Variants in ABCD3 observed in about 807,000 individuals in gnomAD.
ABCD3 encodes ATP-binding cassette sub-family D member 3.
In ABCD3, 41 loss-of-function variants were observed where a neutral mutation model predicts 105.5. That is an observed-to-expected ratio of 0.39 (90% CI 0.30 to 0.50). ABCD3 has a LOEUF of 0.50. Ranked by LOEUF, ABCD3 falls within the 20% of genes least tolerant of loss-of-function variation. The pLI, the probability that ABCD3 is intolerant of heterozygous loss-of-function variation, is 0.84. For synonymous variants in ABCD3, 258 were observed against 269.0 expected (o/e 0.96, Z 0.40); for missense variants, 622 against 806.3 (o/e 0.77, Z 2.77).
At chr1:94,438,581 T>C (rs932212010) in intron 1 of ABCD3, among the ~76,000 whole-genome samples, 2 of 152,172 alleles carry the variant, frequency 1.3e-5, no homozygotes, top group African/African-American at 4.8e-5. Flanking sequence ...AGAACTCTTT[T>C]TGTGAAAGGA....
intron 9 of ABCD3, 163 bp from the exon 10 acceptor site, chr1:94,483,007 A>G (rs1357758012): frequency 3.2e-6 from 2 of 628,316 alleles, no homozygotes; most frequent in East Asian, 5.6e-5. Flanking sequence ...TGAGCTAGGA[A>G]CAGAATCTCA....
At chr1:94,490,842 A>G (rs1394909959) in intron 15 of ABCD3, among the ~76,000 whole-genome samples, 1 of 152,088 alleles carries the variant, frequency 6.6e-6, no homozygotes, top group African/African-American at 2.4e-5. Context: ...AGGAACATCC[A>G]TATTGTTTTC....
chr1:94,496,451 TTGTGTGTGTGTGTG>T (rs57988079), intron 16 of ABCD3, among the ~76,000 whole-genome samples: 2 of 149,424 alleles, frequency 1.3e-5, no homozygotes, highest in South Asian at 4.2e-4. Context: ...TGCCATTTCA[TTGTGTGTGTGTGTG>T]TGTGTGTGTG....
At chr1:94,506,059 G>T (rs1650334347) in intron 20 of ABCD3, among the ~76,000 whole-genome samples, 1 of 152,098 alleles carries the variant, frequency 6.6e-6, no homozygotes, top group Non-Finnish European at 1.5e-5. Flanking sequence ...AAAAAAATGA[G>T]CACAACCAGA....
At chr1:94,465,479 GAA>G (rs1287170421) in intron 3 of ABCD3, among the ~76,000 whole-genome samples, 1 of 152,086 alleles carries the variant, frequency 6.6e-6, no homozygotes, top group Non-Finnish European at 1.5e-5. Flanking sequence ...TCTTGTTTCT[GAA>G]GTATTATTTC....
chr1:94,503,718 C>G (rs552132816), intron 20 of ABCD3, among the ~76,000 whole-genome samples: 17 of 152,028 alleles, frequency 1.1e-4, no homozygotes, highest in Admixed American at 7.2e-4. Context: ...CTGTTTTAGT[C>G]ATTCATTTAT....
chr1:94,431,304 G>A (rs1368463141), intron 1 of ABCD3, among the ~76,000 whole-genome samples: 3 of 152,142 alleles, frequency 2.0e-5, no homozygotes, highest in Non-Finnish European at 4.4e-5. Flanking sequence ...CTTGGCCTGA[G>A]ATAGGCAGGT....
At chr1:94,407,963 G>A in the ABCD3 span, among the ~76,000 whole-genome samples, 4 of 152,210 alleles carry the variant, frequency 2.6e-5, no homozygotes, top group Non-Finnish European at 5.9e-5. Flanking sequence ...TATTGTCTTT[G>A]GCTGTTTTCC....
chr1:94,445,473 G>C (rs902015613), intron 1 of ABCD3, among the ~76,000 whole-genome samples: 1 of 152,150 alleles, frequency 6.6e-6, no homozygotes, highest in South Asian at 2.1e-4. Flanking sequence ...GCTCTGGTTC[G>C]TTCCACCTTG....
At chr1:94,515,261 T>C in intron 22 of ABCD3, 59 bp downstream of exon 22, 1 of 1,351,266 alleles carries the variant, frequency 7.4e-7, no homozygotes, top group South Asian at 1.2e-5. Context: ...AAATATGAAT[T>C]CAGGTTAATA....
chr1:94,438,707 AG>A (rs1268920769), intron 1 of ABCD3, among the ~76,000 whole-genome samples: 1 of 152,232 alleles, frequency 6.6e-6, no homozygotes, highest in East Asian at 1.9e-4. Flanking sequence ...CATGGAGGCA[AG>A]ACCCTCAACC....
intron 1 of ABCD3, among the ~76,000 whole-genome samples, chr1:94,420,478 G>C (rs1038000752): frequency 6.6e-6 from 1 of 152,106 alleles, no homozygotes; most frequent in African/African-American, 2.4e-5. Context: ...CTTTTGTGGG[G>C]ATTAAATTCT....
At chr1:94,415,481 AG>A (rs1192747412), upstream of ABCD3, among the ~76,000 whole-genome samples, 3 of 152,198 alleles carry the variant, frequency 2.0e-5, no homozygotes, top group Non-Finnish European at 4.4e-5. Context: ...TAATTATCAA[AG>A]GACATAGTGC....
intron 1 of ABCD3, among the ~76,000 whole-genome samples, chr1:94,436,838 A>G (rs1659924071): frequency 6.6e-6 from 1 of 152,220 alleles, no homozygotes; most frequent in South Asian, 2.1e-4. Context: ...ATGCAAAGGA[A>G]AAGTTCTTGA....
Position 94,480,306 on chromosome 1 carries a change from G to A in ABCD3, c.685-158G>A, listed in dbSNP as rs1423813277. 3.9e-6 allele frequency: 3 copies of A among 775,302 alleles called. No individual in the cohort carries two copies. The Admixed American group carries it at 6.9e-5, about 18-fold the overall frequency. The allele number at this position is 775,302 out of a possible 1,614,324, so 48.0% of individuals were successfully genotyped here. ...GTAGTAAAAGTGTAGAGGCTACTGT[G>A]TACTTTTTCAGAAAAAAAACAAAGG... On this transcript the variant is annotated intron_variant, in intron 8 of 22. Transcript: ENST00000370214.
intron 1 of ABCD3, among the ~76,000 whole-genome samples, chr1:94,434,185 T>A (rs754528518): frequency 3.0e-4 from 45 of 152,188 alleles, no homozygotes; most frequent in East Asian, 7.7e-4. Flanking sequence ...TTAAAAAAAA[T>A]TTTTTAGTTT....
the ABCD3 span, among the ~76,000 whole-genome samples, chr1:94,412,123 T>C: frequency 0.96 from 145,862 of 152,238 alleles, 70,249 homozygotes; most frequent in Non-Finnish European, 1. Context: ...AAACTGTTCA[T>C]TTTAAAATAG....
chr1:94,506,893 GAT>G (rs1307941387), intron 21 of ABCD3, among the ~76,000 whole-genome samples: 7 of 151,524 alleles, frequency 4.6e-5, no homozygotes, highest in East Asian at 1.9e-4. Flanking sequence ...AGATATAAAA[GAT>G]ATATATAAAT....
chr1:94,502,544 C>T (rs879653085), intron 20 of ABCD3, among the ~76,000 whole-genome samples: 5 of 150,322 alleles, frequency 3.3e-5, no homozygotes, highest in African/African-American at 4.9e-5. Flanking sequence ...TCGCCCAGGC[C>T]GGAGTGCAGT....
Sources: gnomAD v4.1 joint callset for allele counts (sites outside exome capture counted in the v4.1 genomes callset) on GRCh38, gnomAD v4.1.1 for gene constraint, MANE v1.5 for transcripts, NCBI Gene and HGNC (gene_info 2026-07-23, HGNC 2026-07-21) for gene names.